PDZD2: variants seen among roughly 807,000 people sequenced by gnomAD.
PDZD2 encodes PDZ domain-containing protein 2.
In PDZD2, 90 loss-of-function variants were observed where a neutral mutation model predicts 220.7. The ratio of observed to expected loss-of-function variants is 0.41; its 90% CI spans 0.34 to 0.49. PDZD2 has a LOEUF of 0.49. PDZD2 is among the 20% of genes least tolerant of loss of function. The pLI is 0.28. For missense variants in PDZD2, 3,174 were observed against 3,608.5 expected, an observed-to-expected ratio of 0.88 and a Z score of 3.08; for synonymous variants, 1,375 against 1,450.5, an observed-to-expected ratio of 0.95 and a Z score of 1.18.
At chr5:31,963,568 C>T (rs1029412388) in intron 2 of PDZD2, among the ~76,000 whole-genome samples, 5 of 152,166 alleles carry the variant, frequency 3.3e-5, no homozygotes, top group Admixed American at 6.5e-5. Flanking sequence ...CAGCTGATCC[C>T]GCAGCCTCGC....
intron 2 of PDZD2, among the ~76,000 whole-genome samples, chr5:31,886,163 T>A (rs1191176658): frequency 1.3e-5 from 2 of 152,198 alleles, no homozygotes; most frequent in African/African-American, 4.8e-5. Flanking sequence ...CCTCCCAAAG[T>A]GCTGAGGTTA....
intron 1 of PDZD2, among the ~76,000 whole-genome samples, chr5:31,767,507 T>C (rs551978591): frequency 1.3e-5 from 2 of 152,368 alleles, no homozygotes; most frequent in East Asian, 3.9e-4. Flanking sequence ...GCTGTATACC[T>C]GTTCCTCATT....
chr5:32,010,253 C>A, intron 5 of PDZD2, 77 bp from the exon 6 acceptor site: 1 of 993,578 alleles, frequency 1.0e-6, no homozygotes, highest in Non-Finnish European at 1.5e-6. Flanking sequence ...TGTAGCTTGA[C>A]TGTGCCAGGT....
intron 2 of PDZD2, among the ~76,000 whole-genome samples, chr5:31,844,971 C>A (rs1354892065): frequency 8.6e-5 from 13 of 150,556 alleles, no homozygotes; most frequent in Admixed American, 7.2e-4. Context: ...AAACAAGTTT[C>A]TTTTATCATA....
intron 3 of PDZD2, among the ~76,000 whole-genome samples, chr5:31,988,157 G>A (rs1181454451): frequency 6.6e-6 from 1 of 152,132 alleles, no homozygotes. Context: ...ACACATAGGT[G>A]CACAACATAC....
intron 3 of PDZD2, among the ~76,000 whole-genome samples, chr5:31,993,190 A>G (rs1751363883): frequency 6.6e-6 from 1 of 152,216 alleles, no homozygotes; most frequent in African/African-American, 2.4e-5. Flanking sequence ...ACCAAAAACC[A>G]TAGAGTCCAA....
Position 32,087,310 on chromosome 5 carries a change from G to A in PDZD2, c.3862G>A (p.Gly1288Ser), listed in dbSNP as rs2112461495. 1 of 1,614,120 alleles carries A rather than the reference G, an allele frequency of 6.2e-7. No homozygotes were observed. The highest frequency in any genetic ancestry group is 8.5e-7 in the Non-Finnish European group (1 of 1,179,990). ...ARSPVRLPHEGSPSPGEKAAA... is the reference protein window; with the variant it reads ...ARSPVRLPHESSPSPGEKAAA... ...GTCTCCAGTCAGGCTCCCCCATGAG[G>A]GCAGCCCCTCCCCGGGGGAGAAAGC... Residue 1288 changes from glycine to serine, a missense_variant, in exon 20 of 25, where the codon GGC becomes AGC. Physicochemically the swap from Gly to Ser is moderately conservative, Grantham distance 56. Around this residue, in one of 4 missense-constraint regions of PDZD2, gnomAD observed 1,861 missense variants for 2,001.0 expected, o/e 0.93. Transcript: ENST00000438447. The surrounding 1 kb of genome is among the most constrained non-coding windows in gnomAD (Gnocchi z 4.0).
At chr5:32,045,523 C>T (rs765774815) in intron 7 of PDZD2, among the ~76,000 whole-genome samples, 16 of 151,094 alleles carry the variant, frequency 1.1e-4, no homozygotes, top group Admixed American at 2.0e-4. Flanking sequence ...TGGATTCAAG[C>T]GATTCTCATG....
In PDZD2 at chr5:32,000,722, C is replaced by T. The variant is rs969369595; in HGVS notation, c.1254+451C>T. Among the ~76,000 whole-genome samples the T allele has an allele frequency of 6.6e-5, 10 of 152,274 alleles. No individual in the cohort carries two copies. The highest frequency in any genetic ancestry group is 6.2e-4 in the South Asian group (3 of 4,820). The stretch of plus-strand genomic sequence containing the variant: ...ATGGGGTTTCTCCATGTTGGTCAGG[C>T]TGGTCTCAAACTCCTGACCTCAGGT... On this transcript the variant is annotated intron_variant, in intron 5 of 24. Coordinates refer to ENST00000438447, the MANE Select transcript of PDZD2 (RefSeq NM_178140.4). This position sits in a 1 kb window ranked among gnomAD's most constrained non-coding sequence, Gnocchi z 4.5.
chr5:32,072,223 G>C lies in PDZD2; in HGVS notation c.2631G>C (p.Leu877Phe). ...QYFAHDVPGPLSDFMVAGSED... is the reference protein window; with the variant it reads ...QYFAHDVPGPFSDFMVAGSED... Reference sequence around the variant, plus strand: ...TTGCCCACGATGTCCCTGGCCCCTTGTCAGACTTCATGGTGGCCGGTTCTG... The same window carrying C: ...TTGCCCACGATGTCCCTGGCCCCTTCTCAGACTTCATGGTGGCCGGTTCTG... The change falls in exon 17 of 25, where the codon TTG becomes TTC. Residue 877 changes from leucine (L) to phenylalanine (F), a missense_variant. By Grantham distance (22) the Leu-to-Phe change is conservative. Coordinates refer to ENST00000438447, the MANE Select transcript of PDZD2 (RefSeq NM_178140.4). 1 of 1,613,814 alleles carries C rather than the reference G, an allele frequency of 6.2e-7. No homozygotes were observed. Among genetic ancestry groups the C allele is most frequent in the Admixed American group, 1.7e-5 (1 of 60,024 alleles).
intron 2 of PDZD2, among the ~76,000 whole-genome samples, chr5:31,849,919 CAT>C (rs1188241225): frequency 0.12 from 2,270 of 19,000 alleles, 453 homozygotes; most frequent in Middle Eastern, 0.27. Context: ...TATATATATA[CAT>C]ATATATATAT....
At position 31,869,413 on chromosome 5, in the gene PDZD2, A is replaced by G. The variant is rs528079627; in HGVS notation, c.476+69689A>G. ...AGAAATGTATTGGCTGCATACAAAA[A>G]TTAGCCGGGCGTGGTGGCGGGCGCC... On this transcript the variant is annotated intron_variant, in intron 2 of 24. Transcript: ENST00000438447. 3.3e-5 allele frequency among the ~76,000 whole-genome samples: 5 copies of G among 152,214 alleles called. No homozygotes were observed. In the East Asian group the frequency reaches 9.7e-4, roughly 29 times the overall value.
At chr5:31,924,485 T>C (rs971995648) in intron 2 of PDZD2, among the ~76,000 whole-genome samples, 23 of 152,226 alleles carry the variant, frequency 1.5e-4, no homozygotes, top group African/African-American at 5.3e-4. Flanking sequence ...CGCTCCTGAT[T>C]CCCCCAGCCC....
chr5:31,655,601 T>A (rs1745518817), intron 1 of PDZD2, among the ~76,000 whole-genome samples: 5 of 152,104 alleles, frequency 3.3e-5, no homozygotes, highest in Admixed American at 2.6e-4. Flanking sequence ...TTCATTGATG[T>A]ATCATCAACA....
intron 2 of PDZD2, among the ~76,000 whole-genome samples, chr5:31,869,526 T>G (rs192145397): frequency 5.9e-5 from 9 of 151,740 alleles, no homozygotes; most frequent in Admixed American, 4.6e-4. Context: ...ATCACGCCAC[T>G]GCACTCCAGC....
chr5:31,900,402 T>C (rs1260781047), intron 2 of PDZD2, among the ~76,000 whole-genome samples: 1 of 152,226 alleles, frequency 6.6e-6, no homozygotes, highest in Admixed American at 6.5e-5. Context: ...TGTTGATGGC[T>C]GATGAAAGTC....
intron 1 of PDZD2, among the ~76,000 whole-genome samples, chr5:31,762,272 T>TTTGTTG (rs549890419): frequency 7.9e-5 from 12 of 151,922 alleles, no homozygotes; most frequent in South Asian, 2.1e-4. Context: ...CTTGGTTTTG[T>TTTGTTG]TTGTTGTTGT....
At chr5:31,912,604 C>A (rs566527470) in intron 2 of PDZD2, among the ~76,000 whole-genome samples, 29 of 152,172 alleles carry the variant, frequency 1.9e-4, no homozygotes, top group African/African-American at 6.8e-4. Context: ...GCAATTGACA[C>A]GCTAGAGAAG....
chr5:32,015,727 A>G (rs112126926), intron 6 of PDZD2, among the ~76,000 whole-genome samples: 17 of 152,188 alleles, frequency 1.1e-4, no homozygotes, highest in African/African-American at 4.1e-4. Context: ...AGAAAAATCT[A>G]TTTTCTAGCC....
Sources: gnomAD v4.1 joint callset for allele counts (sites outside exome capture counted in the v4.1 genomes callset) on GRCh38, gnomAD v4.1.1 for gene constraint, gnomAD v4.1.1 regional missense constraint, Gnocchi (gnomAD v3.1) non-coding constraint, MANE v1.5 for transcripts, NCBI Gene and HGNC (gene_info 2026-07-23, HGNC 2026-07-21) for gene names.